The following SEPTIN8 variants were observed in gnomAD, a reference collection of about 807,000 sequenced individuals.
SEPTIN8 encodes septin 8, also known as septin-8.
A neutral mutation model predicts 53.1 loss-of-function variants in SEPTIN8; 22 were observed. The observed-to-expected ratio is 0.41, with a 90% CI of 0.30 to 0.59. SEPTIN8 has a LOEUF of 0.59. SEPTIN8 is among the 20% of genes least tolerant of loss of function. The probability of loss-of-function intolerance (pLI) is 0.24; values close to 1 mark genes in which losing one functional copy is unlikely to be tolerated. For synonymous variants in SEPTIN8, 228 were observed against 248.4 expected, an observed-to-expected ratio of 0.92 and a Z score of 0.77; for missense variants, 536 against 638.7, an observed-to-expected ratio of 0.84 and a Z score of 1.73.
intron 9 of SEPTIN8, among the ~76,000 whole-genome samples, chr5:132,759,732 G>A (rs1755700015): frequency 6.6e-6 from 1 of 152,140 alleles, no homozygotes; most frequent in Non-Finnish European, 1.5e-5. Flanking sequence ...TTCCTAGGTT[G>A]GCAAGAGAAG....
Position 132,761,059 on chromosome 5 carries a change from CA to C in SEPTIN8, c.1096-68del. 1 of 1,604,038 alleles carries C rather than the reference CA, an allele frequency of 6.2e-7. No individual in the cohort carries two copies. Among genetic ancestry groups the C allele is most frequent in the South Asian group, 1.1e-5 (1 of 89,042 alleles). On this transcript the variant is annotated intron_variant, in intron 8 of 9. Transcript: ENST00000378719. This position sits in a 1 kb window ranked among gnomAD's most constrained non-coding sequence, Gnocchi z 5.8. Reference sequence around the variant, plus strand: ...AGGGCTTGAGCCTGGGCCAGGAAGGCACCCCCACCTCTACCCTCAGCCAGGC... The same window carrying C: ...AGGGCTTGAGCCTGGGCCAGGAAGGCCCCCCACCTCTACCCTCAGCCAGGC...
intron 4 of SEPTIN8, among the ~76,000 whole-genome samples, chr5:132,763,345 A>G (rs1188692688): frequency 6.6e-6 from 1 of 152,196 alleles, no homozygotes; most frequent in African/African-American, 2.4e-5. Context: ...GAAATTAGGA[A>G]TTGAGAGATA....
chr5:132,774,764 C>G (rs1376463699), intron 1 of SEPTIN8, among the ~76,000 whole-genome samples: 1 of 152,122 alleles, frequency 6.6e-6, no homozygotes, highest in African/African-American at 2.4e-5. Flanking sequence ...ACAGTGTAGA[C>G]CTGTCATGGC....
rs773508819 is a variant in SEPTIN8 at position 132,761,262 on chromosome 5, T to C, written c.966A>G (p.Leu322=). Residue 322 remains leucine (L), a synonymous_variant, in exon 8 of 10, where the codon CTA becomes CTG. Coordinates refer to ENST00000378719, the MANE Select transcript of SEPTIN8 (RefSeq NM_001098811.2). The surrounding 1 kb of genome is among the most constrained non-coding windows in gnomAD (Gnocchi z 5.8). ...DSDGDSQPFS[L]QETYEAKRKE... is the part of the protein sequence containing the mutation. ...TCCTCTTGGCCTCGTATGTCTCTTGTAGGCTGTGGAGACCCAGAGAAAAGA... is the reference window on the plus strand; with the variant it reads ...TCCTCTTGGCCTCGTATGTCTCTTGCAGGCTGTGGAGACCCAGAGAAAAGA... The C allele has an allele frequency of 1.5e-5, 25 of 1,613,594 alleles. No individual in the cohort carries two copies. The highest frequency in any genetic ancestry group is 2.0e-5 in the Non-Finnish European group (24 of 1,180,010).
Position 132,774,425 on chromosome 5 carries a change from G to A in SEPTIN8, c.30+2683C>T, listed in dbSNP as rs550791815. The stretch of plus-strand genomic sequence containing the variant: ...GAAAGGGCTGAGCCCCAGAGTCAAG[G>A]TTCCAGTTAGGAGGAGGGGCACAGC... On this transcript the variant is annotated intron_variant, in intron 1 of 9. Transcript: ENST00000378719. 1.7e-3 allele frequency among the ~76,000 whole-genome samples: 253 copies of A among 152,318 alleles called. 1 individual carries two copies. Among genetic ancestry groups the A allele is most frequent in the African/African-American group, 6.0e-3 (248 of 41,584 alleles).
chr5:132,761,438 A>G lies in SEPTIN8; in HGVS notation c.962+20T>C. The G allele has an allele frequency of 6.2e-7, 1 of 1,601,994 alleles. No homozygotes were observed. Among genetic ancestry groups the G allele is most frequent in the Non-Finnish European group, 8.5e-7 (1 of 1,175,112 alleles). On this transcript the variant is annotated intron_variant, in intron 7 of 9. Transcript: ENST00000378719. The surrounding 1 kb of genome is among the most constrained non-coding windows in gnomAD (Gnocchi z 5.8). Reference sequence around the variant, plus strand: ...TGGCCACAGCTGTGAAGACAGGCTCACTCTGGCTCAGGCTGTCACCTGAAG... The same window carrying G: ...TGGCCACAGCTGTGAAGACAGGCTCGCTCTGGCTCAGGCTGTCACCTGAAG...
chr5:132,753,360 G>A (rs1448868627), intron 9 of SEPTIN8: 23 of 224,038 alleles, frequency 1.0e-4, no homozygotes, highest in Non-Finnish European at 9.1e-5. Context: ...GAAGGGCTGG[G>A]GCTAGCTCTG....
At chr5:132,753,263 G>T (rs56998927) in intron 9 of SEPTIN8, 10,768 of 371,322 alleles carry the variant, frequency 0.029, 1,042 homozygotes, top group African/African-American at 0.2. Context: ...ATGGCAGCTT[G>T]TTTTACCTTC....
chr5:132,762,159 G>A (rs1756047140), intron 5 of SEPTIN8, among the ~76,000 whole-genome samples: 1 of 152,190 alleles, frequency 6.6e-6, no homozygotes, highest in Non-Finnish European at 1.5e-5. Flanking sequence ...GGCCATTAGA[G>A]CTTCCTGAAA....
intron 1 of SEPTIN8, among the ~76,000 whole-genome samples, chr5:132,768,754 A>G (rs1343497071): frequency 6.6e-6 from 1 of 152,194 alleles, no homozygotes; most frequent in Non-Finnish European, 1.5e-5. Flanking sequence ...GACCATCTTG[A>G]GACCATTAGG....
At chr5:132,763,453 G>A (rs1756206270) in intron 4 of SEPTIN8, among the ~76,000 whole-genome samples, 1 of 152,204 alleles carries the variant, frequency 6.6e-6, no homozygotes, top group South Asian at 2.1e-4. Context: ...CAATGAGAAT[G>A]ATTCAGCTGC....
Position 132,763,886 on chromosome 5 carries a change from C to G in SEPTIN8, c.354G>C (p.Arg118Ser). 6.4e-7 allele frequency: 1 copy of G among 1,566,856 alleles called. No individual in the cohort carries two copies. Among genetic ancestry groups the G allele is most frequent in the Non-Finnish European group, 8.7e-7 (1 of 1,154,934 alleles). The change falls in exon 4 of 10, where the codon AGG becomes AGC. Residue 118 changes from arginine to serine, a missense_variant. By Grantham distance (110) the Arg-to-Ser change is moderately radical (BLOSUM62 -1). Around this residue, in one of 3 missense-constraint regions of SEPTIN8, gnomAD observed 395 missense variants for 451.8 expected, o/e 0.87. Coordinates refer to ENST00000378719, the MANE Select transcript of SEPTIN8 (RefSeq NM_001098811.2). ...GDQINKDESY[R>S]PIVDYIDAQF... ...GCGCATCGATGTAGTCAACTATGGG[C>G]CTGTAACTACAGACAGCTCCATCAC... is the stretch of plus-strand genomic sequence containing the variant.
intron 1 of SEPTIN8, among the ~76,000 whole-genome samples, chr5:132,769,449 C>G (rs1036395201): frequency 1.3e-5 from 2 of 152,148 alleles, no homozygotes; most frequent in Non-Finnish European, 2.9e-5. Context: ...AGGGCTAAGC[C>G]TAAACTCAAA....
upstream of SEPTIN8, chr5:132,777,370 C>A: frequency 9.7e-7 from 1 of 1,032,174 alleles, no homozygotes; most frequent in Non-Finnish European, 1.2e-6. The surrounding 1 kb of genome is among the most constrained non-coding windows in gnomAD (Gnocchi z 4.1). Flanking sequence ...GCCGGAGCCC[C>A]GCCGCTTGGA....
upstream of SEPTIN8, among the ~76,000 whole-genome samples, chr5:132,779,950 G>T (rs1475002106): frequency 6.6e-6 from 1 of 152,164 alleles, no homozygotes; most frequent in African/African-American, 2.4e-5. Flanking sequence ...TTCTTACATT[G>T]TCCAGGTAGG....
At chr5:132,778,571 A>G (rs1757969574), upstream of SEPTIN8, among the ~76,000 whole-genome samples, 1 of 152,196 alleles carries the variant, frequency 6.6e-6, no homozygotes, top group South Asian at 2.1e-4. Context: ...AAAGTTATCT[A>G]CAAGAAATAG....
intron 2 of SEPTIN8, 87 bp downstream of exon 2, chr5:132,765,322 C>T (rs1756469529): frequency 1.1e-5 from 16 of 1,522,166 alleles, no homozygotes; most frequent in Non-Finnish European, 1.4e-5. Context: ...GGGAAGCCCC[C>T]TTGCAGCTCA....
At chr5:132,774,140 G>C (rs1399516723) in intron 1 of SEPTIN8, 1 of 166,668 alleles carries the variant, frequency 6.0e-6, no homozygotes, top group Non-Finnish European at 1.5e-5. Flanking sequence ...GAGGGACTAG[G>C]TACTCCCTGA....
intron 4 of SEPTIN8, among the ~76,000 whole-genome samples, chr5:132,763,397 C>T (rs928973339): frequency 2.0e-5 from 3 of 152,138 alleles, no homozygotes; most frequent in African/African-American, 7.2e-5. Context: ...AGGGAGGTTC[C>T]CTGGAGCGAA....
Sources: allele counts gnomAD v4.1 joint callset (sites outside exome capture counted in the v4.1 genomes callset), GRCh38; gene constraint gnomAD v4.1.1; regional missense constraint gnomAD v4.1.1; non-coding constraint Gnocchi (gnomAD v3.1); transcripts MANE v1.5; gene names NCBI Gene and HGNC (gene_info 2026-07-23, HGNC 2026-07-21).